RAPGEF2: variants seen among roughly 807,000 people sequenced by gnomAD.
The protein encoded by RAPGEF2 is Rap guanine nucleotide exchange factor 2.
Under a neutral mutation model 186.7 loss-of-function variants are expected in RAPGEF2, and 54 were observed. The observed-to-expected ratio is 0.29, with a 90% CI of 0.23 to 0.36. The LOEUF (loss-of-function observed/expected upper bound fraction) is 0.36, where lower values mean the gene tolerates loss of function less well. Among genes scored for constraint, RAPGEF2 ranks in the 10% least tolerant of loss-of-function variants. The pLI, the probability that RAPGEF2 is intolerant of heterozygous loss-of-function variation, is 1.00. For missense variants in RAPGEF2, 1,532 were observed against 2,045.0 expected (o/e 0.75, Z 4.84); for synonymous variants, 712 against 705.9 (o/e 1.01, Z -0.14).
chr4:159,190,026 T>C (rs1747954050), intron 2 of RAPGEF2, among the ~76,000 whole-genome samples: 2 of 152,262 alleles, frequency 1.3e-5, no homozygotes, highest in Non-Finnish European at 2.9e-5. Context: ...CAGCTCTGGC[T>C]TTGGAGTCAA....
chr4:159,131,329 C>T (rs1433897396), intron 1 of RAPGEF2, among the ~76,000 whole-genome samples: 1 of 152,052 alleles, frequency 6.6e-6, no homozygotes, highest in Non-Finnish European at 1.5e-5. Flanking sequence ...AGGCTGGTCT[C>T]GAACTCCCAA....
chr4:159,194,160 A>C (rs1196746616), intron 3 of RAPGEF2, among the ~76,000 whole-genome samples: 1 of 152,336 alleles, frequency 6.6e-6, no homozygotes, highest in Non-Finnish European at 1.5e-5. Flanking sequence ...CTTTTTAGGC[A>C]GAAGGAACAG....
intron 1 of RAPGEF2, among the ~76,000 whole-genome samples, chr4:159,147,712 A>G (rs1467051769): frequency 3.9e-5 from 6 of 152,234 alleles, no homozygotes; most frequent in Admixed American, 2.6e-4. Flanking sequence ...ACACTCATGC[A>G]TTCATATACA....
At chr4:159,275,535 AT>A (rs1202939038) in intron 7 of RAPGEF2, among the ~76,000 whole-genome samples, 1 of 152,162 alleles carries the variant, frequency 6.6e-6, no homozygotes, top group Non-Finnish European at 1.5e-5. Context: ...TGTAAATATA[AT>A]TAATCCATAC....
At chr4:159,347,490 A>C (rs931045908) in intron 25 of RAPGEF2, among the ~76,000 whole-genome samples, 2 of 152,270 alleles carry the variant, frequency 1.3e-5, no homozygotes, top group African/African-American at 2.4e-5. Context: ...TTTCCTACTA[A>C]AAGAAAAACA....
chr4:159,274,577 G>A (rs1387807590), intron 7 of RAPGEF2, among the ~76,000 whole-genome samples: 1 of 152,074 alleles, frequency 6.6e-6, no homozygotes, highest in Non-Finnish European at 1.5e-5. Flanking sequence ...AAATTTCCTT[G>A]TTCTGAGATC....
At chr4:159,273,698 C>CTT (rs1201489225) in intron 7 of RAPGEF2, among the ~76,000 whole-genome samples, 1 of 107,408 alleles carries the variant, frequency 9.3e-6, no homozygotes, top group Admixed American at 1.1e-4. Flanking sequence ...TTCTTTCTTT[C>CTT]TTTCTCAATT....
In RAPGEF2 at chr4:159,132,777, G is replaced by GT. The variant is rs201319555; in HGVS notation, c.69+28550dup. ...CTTTTGGTAGTTGAAAGTTATGTGC[G>GT]TTTTAAGTGTATATGATAATGTTTT... On this transcript the variant is annotated intron_variant, in intron 1 of 29. Coordinates refer to ENST00000691494, the MANE Select transcript of RAPGEF2 (RefSeq NM_001394067.2). Among the ~76,000 whole-genome samples, 162 of 151,632 alleles carry GT rather than the reference G, an allele frequency of 1.1e-3. 1 individual carries two copies. The East Asian group carries it at 0.029, about 27-fold the overall frequency.
chr4:159,332,407 T>A, intron 16 of RAPGEF2, 44 bp from the exon 17 acceptor site: 1 of 1,572,318 alleles, frequency 6.4e-7, no homozygotes, highest in Non-Finnish European at 8.7e-7. Flanking sequence ...TTCAGATATC[T>A]TATAATTGCC....
Position 159,314,574 on chromosome 4 carries a change from T to C in RAPGEF2, c.676-17T>C, listed in dbSNP as rs1435887255. 6.3e-7 allele frequency: 1 copy of C among 1,580,458 alleles called. No individual in the cohort carries two copies. Among genetic ancestry groups the C allele is most frequent in the East Asian group, 2.3e-5 (1 of 44,188 alleles). Reference sequence around the variant, plus strand: ...TTTACTTAAAATAGTTTTTAATTTTTGTGTGTGTGTCTTAAGGCCACAGAA... The same window carrying C: ...TTTACTTAAAATAGTTTTTAATTTTCGTGTGTGTGTCTTAAGGCCACAGAA... On this transcript the variant is annotated splice_polypyrimidine_tract_variant and intron_variant, in intron 8 of 29. Coordinates refer to ENST00000691494, the MANE Select transcript of RAPGEF2 (RefSeq NM_001394067.2).
chr4:159,104,894 A>C (rs78471827), intron 1 of RAPGEF2, among the ~76,000 whole-genome samples: 2,866 of 152,302 alleles, frequency 0.019, 84 homozygotes, highest in African/African-American at 0.065. Context: ...TGAATAGCTA[A>C]GTTAGTGCTT....
Position 159,323,614 on chromosome 4 carries a change from C to T in RAPGEF2, c.1146C>T (p.Cys382=). ...KGVMRTKVDD[C]QFVCIAQQDY... ...TGATGAGAACAAAGGTGGATGACTG[C>T]CAGGTATAAAATATATCATTAAAAA... The change falls in exon 11 of 30, where the codon TGC becomes TGT. Residue 382 remains cysteine (C), a synonymous_variant. Coordinates refer to ENST00000691494, the MANE Select transcript of RAPGEF2 (RefSeq NM_001394067.2). The T allele has an allele frequency of 6.5e-7, 1 of 1,550,082 alleles. No homozygotes were observed. Among genetic ancestry groups the T allele is most frequent in the East Asian group, 2.4e-5 (1 of 42,062 alleles).
At chr4:159,255,562 GAA>G (rs1433435827) in intron 7 of RAPGEF2, among the ~76,000 whole-genome samples, 1 of 152,092 alleles carries the variant, frequency 6.6e-6, no homozygotes, top group Non-Finnish European at 1.5e-5. Flanking sequence ...GCTGCCTTTG[GAA>G]AGGCACCAGA....
At position 159,343,108 on chromosome 4, in the gene RAPGEF2, T is replaced by C; in HGVS notation, c.3048T>C (p.Asn1016=). ...CCAGAAACATGGCAAAATATCGTAA[T>C]GTTCTCAATAGTCAAAATCTACAAC... ...DPSRNMAKYR[N]VLNSQNLQPP... The change falls in exon 21 of 30, where the codon AAT becomes AAC. Residue 1016 remains asparagine, a synonymous_variant. Transcript: ENST00000691494. 1 of 1,614,114 alleles carries C rather than the reference T, an allele frequency of 6.2e-7. No homozygotes were observed. The highest frequency in any genetic ancestry group is 1.6e-4 in the Middle Eastern group (1 of 6,062).
intron 1 of RAPGEF2, among the ~76,000 whole-genome samples, chr4:159,163,777 C>G (rs764522011): frequency 3.1e-4 from 47 of 151,322 alleles, no homozygotes; most frequent in Non-Finnish European, 6.5e-4. Context: ...TAAAAAATGC[C>G]AAGAAGGGGT....
At chr4:159,257,699 T>C (rs563640243) in intron 7 of RAPGEF2, among the ~76,000 whole-genome samples, 12 of 152,242 alleles carry the variant, frequency 7.9e-5, no homozygotes, top group Non-Finnish European at 1.6e-4. Flanking sequence ...TTTTCCTCAT[T>C]GCTTATGTCA....
intron 7 of RAPGEF2, among the ~76,000 whole-genome samples, chr4:159,281,615 G>A (rs1759715561): frequency 6.8e-6 from 1 of 147,414 alleles, no homozygotes; most frequent in African/African-American, 2.5e-5. Context: ...AGGTTGCAAT[G>A]AGCTGAGATC....
intron 4 of RAPGEF2, among the ~76,000 whole-genome samples, chr4:159,224,613 A>G (rs1364820365): frequency 6.6e-6 from 1 of 151,966 alleles, no homozygotes; most frequent in Non-Finnish European, 1.5e-5. Flanking sequence ...TGGACCTTAG[A>G]CTCTCTTGTT....
rs753636925 is a variant in RAPGEF2 at position 159,323,658 on chromosome 4, T to C, written c.1149+41T>C. On this transcript the variant is annotated intron_variant, in intron 11 of 29. Transcript: ENST00000691494. The stretch of plus-strand genomic sequence containing the variant: ...TTAAAAATATATATTTTATTCTTAA[T>C]AAAGAACACTTATATGCCATTGTGA... The C allele has an allele frequency of 2.5e-6, 3 of 1,186,860 alleles. No homozygotes were observed. The South Asian group carries it at 7.8e-5, about 31-fold the overall frequency. The allele number at this position is 1,186,860 out of a possible 1,614,324, so 73.5% of individuals were successfully genotyped here.
Sources: gnomAD v4.1 joint callset for allele counts (sites outside exome capture counted in the v4.1 genomes callset) on GRCh38, gnomAD v4.1.1 for gene constraint, MANE v1.5 for transcripts, NCBI Gene and HGNC (gene_info 2026-07-23, HGNC 2026-07-21) for gene names.